ROBO2: variants seen among roughly 807,000 people sequenced by gnomAD.
ROBO2 encodes the protein roundabout guidance receptor 2.
A neutral mutation model predicts 160.8 loss-of-function variants in ROBO2; 53 were observed. The observed-to-expected ratio is 0.33, with a 90% CI of 0.26 to 0.41. ROBO2 has a LOEUF of 0.41. ROBO2 is among the 10% of genes least tolerant of loss of function. The probability of loss-of-function intolerance (pLI) is 1.00; values close to 1 mark genes in which losing one functional copy is unlikely to be tolerated. For synonymous variants in ROBO2, 664 were observed against 611.7 expected (o/e 1.09, Z -1.26); for missense variants, 1,577 against 1,722.4 (o/e 0.92, Z 1.49).
chr3:76,131,123 C>T (rs1233316597), intron 2 of ROBO2, among the ~76,000 whole-genome samples: 1 of 152,128 alleles, frequency 6.6e-6, no homozygotes, highest in Admixed American at 6.5e-5. Context: ...TAGTATGTTG[C>T]ATCTTTTGTG....
intron 2 of ROBO2, among the ~76,000 whole-genome samples, chr3:77,399,029 C>T (rs1168118255): frequency 1.3e-5 from 2 of 152,042 alleles, no homozygotes; most frequent in Non-Finnish European, 2.9e-5. Flanking sequence ...TGTCTTTTAG[C>T]AGTTGGTTCC....
At chr3:77,194,166 T>C (rs986560371) in intron 2 of ROBO2, among the ~76,000 whole-genome samples, 22 of 152,222 alleles carry the variant, frequency 1.4e-4, no homozygotes, top group Admixed American at 8.5e-4. Context: ...CTAGTTCTTA[T>C]AGTTACAGTT....
At chr3:77,585,389 A>G (rs1046647399) in intron 16 of ROBO2, among the ~76,000 whole-genome samples, 8 of 151,916 alleles carry the variant, frequency 5.3e-5, no homozygotes, top group African/African-American at 1.9e-4. Flanking sequence ...ATTTTAAACC[A>G]AATAGAAAAT....
chr3:77,311,155 A>G lies in ROBO2; in HGVS notation c.389-166259A>G, dbSNP rs151199060. Among the ~76,000 whole-genome samples the G allele has an allele frequency of 7.1e-3, 1,088 of 152,178 alleles. 17 individuals are homozygous for G. Among genetic ancestry groups the G allele is most frequent in the African/African-American group, 0.025 (1,039 of 41,532 alleles). On this transcript the variant is annotated intron_variant, in intron 2 of 25. Transcript: ENST00000461745. ...ACCCCAATATATTTATTCATTTCTA[A>G]TGTTTTCTTTTTCTCATTAGTTGAC... is the stretch of plus-strand genomic sequence containing the variant.
Position 76,149,558 on chromosome 3 carries a change from A to G in ROBO2, c.109+211956A>G, listed in dbSNP as rs1008552419. Among the ~76,000 whole-genome samples the G allele has an allele frequency of 2.8e-4, 37 of 133,394 alleles. 8 individuals are homozygous for G. In the Middle Eastern group the frequency reaches 0.012, roughly 44 times the overall value. The allele number at this position is 133,394 out of a possible 152,430, so 87.5% of individuals were successfully genotyped here. On this transcript the variant is annotated intron_variant, in intron 2 of 26. Coordinates refer to the ROBO2 transcript ENST00000487694. ...TCTAAAGCACACATCTGTCTAAAGC[A>G]CACATCATCTGTCTAAAGCACACAT...
chr3:76,056,526 CTT>C (rs145093322), intron 2 of ROBO2, among the ~76,000 whole-genome samples: 3,111 of 151,866 alleles, frequency 0.02, 43 homozygotes, highest in East Asian at 0.081. Context: ...AACCCATTCA[CTT>C]TTAAAATACT....
intron 2 of ROBO2, among the ~76,000 whole-genome samples, chr3:77,215,678 T>G (rs1045604974): frequency 6.6e-6 from 1 of 152,206 alleles, no homozygotes; most frequent in African/African-American, 2.4e-5. Context: ...TTTCCAGTTT[T>G]TCTGCTCTGT....
chr3:76,962,553 A>G (rs927274656), intron 2 of ROBO2, among the ~76,000 whole-genome samples: 14 of 149,610 alleles, frequency 9.4e-5, no homozygotes, highest in Admixed American at 9.0e-4. Flanking sequence ...CAGGAGAATC[A>G]CTTGAACCTA....
chr3:76,193,650 C>A (rs545099349), intron 2 of ROBO2, among the ~76,000 whole-genome samples: 1 of 152,136 alleles, frequency 6.6e-6, no homozygotes, highest in Admixed American at 6.6e-5. Context: ...GAAAATCTTT[C>A]GAAACTTACT....
At position 76,510,932 on chromosome 3, in the gene ROBO2, G is replaced by T. The variant is rs187740896; in HGVS notation, c.109+573330G>T. On this transcript the variant is annotated intron_variant, in intron 2 of 26. Transcript: ENST00000487694. ...AAACTGAAAACTGAAGGGAACAAAT[G>T]GAATGGTTGCAGAAATTTAAGAAAA... Among the ~76,000 whole-genome samples the T allele has an allele frequency of 7.2e-5, 11 of 152,092 alleles. No homozygotes were observed. In the East Asian group the frequency reaches 1.9e-3, roughly 27 times the overall value.
At chr3:76,090,158 A>T (rs1357110390) in intron 2 of ROBO2, among the ~76,000 whole-genome samples, 1 of 152,138 alleles carries the variant, frequency 6.6e-6, no homozygotes, top group East Asian at 1.9e-4. Context: ...CGAAACTCTC[A>T]TGAAAGATAT....
chr3:76,074,097 A>G (rs6787838), intron 2 of ROBO2, among the ~76,000 whole-genome samples: 7,079 of 37,112 alleles, frequency 0.19, 189 homozygotes, highest in African/African-American at 0.35. Context: ...ATAATATGGC[A>G]TCTCTGTGGC....
intron 2 of ROBO2, among the ~76,000 whole-genome samples, chr3:76,506,687 TA>T (rs2080816012): frequency 6.6e-6 from 1 of 152,210 alleles, no homozygotes; most frequent in Non-Finnish European, 1.5e-5. Flanking sequence ...AGATGGTGCT[TA>T]TGATATTCTT....
intron 2 of ROBO2, among the ~76,000 whole-genome samples, chr3:76,057,595 A>G (rs561430436): frequency 6.6e-6 from 1 of 152,322 alleles, no homozygotes; most frequent in African/African-American, 2.4e-5. Flanking sequence ...GAACTTTTTT[A>G]GAAATATATC....
At chr3:76,906,311 T>G (rs1283894866) in intron 2 of ROBO2, among the ~76,000 whole-genome samples, 3 of 151,902 alleles carry the variant, frequency 2.0e-5, no homozygotes, top group Non-Finnish European at 4.4e-5. Context: ...TACATATATA[T>G]AAATTCAATG....
At chr3:76,572,579 A>G (rs1276680122) in intron 2 of ROBO2, among the ~76,000 whole-genome samples, 1 of 152,132 alleles carries the variant, frequency 6.6e-6, no homozygotes, top group Non-Finnish European at 1.5e-5. Flanking sequence ...AAAAACCTTA[A>G]GGAGTCCTTA....
In ROBO2 at chr3:76,665,957, TATACATATAA is replaced by T. The variant is rs2092012737; in HGVS notation, c.110-432056_110-432047del. Among the ~76,000 whole-genome samples the T allele has an allele frequency of 2.1e-5, 3 of 141,808 alleles. No individual in the cohort carries two copies. In the Admixed American group the frequency reaches 2.2e-4, roughly 10 times the overall value. 93.0% of individuals were successfully genotyped at this position (141,808 alleles called of 152,430 possible). On this transcript the variant is annotated intron_variant, in intron 2 of 26. Transcript: ENST00000487694. ...TACATATAATATATTATATATAATA[TATACATATAA>T]TATATATAATATATACATGTAATAT...
intron 2 of ROBO2, among the ~76,000 whole-genome samples, chr3:76,261,064 T>G (rs1706713704): frequency 6.6e-6 from 1 of 152,042 alleles, no homozygotes; most frequent in Non-Finnish European, 1.5e-5. Flanking sequence ...TAGATAATTG[T>G]ATGATTTTGA....
chr3:76,097,144 G>A (rs762589455), intron 2 of ROBO2, among the ~76,000 whole-genome samples: 6 of 152,168 alleles, frequency 3.9e-5, no homozygotes, highest in African/African-American at 1.2e-4. Context: ...TGGGAATGCC[G>A]TATTTTGGGT....
Sources: allele counts gnomAD v4.1 joint callset (sites outside exome capture counted in the v4.1 genomes callset), GRCh38; gene constraint gnomAD v4.1.1; transcripts MANE v1.5; gene names NCBI Gene and HGNC (gene_info 2026-07-23, HGNC 2026-07-21).